Variants in CAPN5 observed in about 807,000 individuals in gnomAD.
CAPN5 encodes the protein calpain 5, also known as calpain-5.
Under a neutral mutation model 73.0 loss-of-function variants are expected in CAPN5, and 54 were observed. The observed-to-expected ratio is 0.74, with a 90% CI of 0.59 to 0.93. The LOEUF (loss-of-function observed/expected upper bound fraction) is 0.93. Among genes scored for constraint, CAPN5 ranks in the 40% least tolerant of loss-of-function variants. The probability of loss-of-function intolerance (pLI) is 0.00; values close to 1 mark genes in which losing one functional copy is unlikely to be tolerated. For synonymous variants in CAPN5, 335 were observed against 356.9 expected, an observed-to-expected ratio of 0.94 and a Z score of 0.69; for missense variants, 785 against 882.9, an observed-to-expected ratio of 0.89 and a Z score of 1.41.
rs138647957 is a variant in CAPN5, at chr11:77,116,106, C to T, written c.894-120C>T. 2,188 of 871,876 alleles carry T rather than the reference C, an allele frequency of 2.5e-3. 20 individuals carry two copies. Among genetic ancestry groups the T allele is most frequent in the South Asian group, 0.016 (1,019 of 62,900 alleles). The allele number at this position is 871,876 out of a possible 1,614,324, so 54.0% of individuals were successfully genotyped here. Reference sequence around the variant, plus strand: ...ATGGCCTCAGTGCCCCTGGCCACACCGTGCCGCTGGAGGCCTGGTGCAAGA... The same window carrying T: ...ATGGCCTCAGTGCCCCTGGCCACACTGTGCCGCTGGAGGCCTGGTGCAAGA... On this transcript the variant is annotated intron_variant, in intron 6 of 12. Transcript: ENST00000648180.
intron 10 of CAPN5, among the ~76,000 whole-genome samples, chr11:77,121,296 G>A (rs1950518229): frequency 6.6e-6 from 1 of 152,266 alleles, no homozygotes; most frequent in Non-Finnish European, 1.5e-5. Flanking sequence ...CCTGGTTCCA[G>A]GGTTGGGTCT....
At chr11:77,114,129 G>A in intron 4 of CAPN5, 113 bp from the exon 5 acceptor site, 1 of 934,196 alleles carries the variant, frequency 1.1e-6, no homozygotes, top group Non-Finnish European at 1.7e-6. Context: ...CCTGCTGCGT[G>A]ACTGTAACAG....
At position 77,093,592 on chromosome 11, in the gene CAPN5, CTGTCACG is replaced by C. The variant is rs534289838; in HGVS notation, c.166-88_166-82del. 5.3e-4 allele frequency: 404 copies of C among 762,282 alleles called. 8 individuals carry two copies. In the South Asian group the frequency reaches 9.1e-3, roughly 17 times the overall value. 47.2% of individuals were successfully genotyped at this position (762,282 alleles called of 1,614,324 possible). A position where few individuals can be genotyped will look rare whatever the true frequency, so the allele number is the denominator to read the frequency against. On this transcript the variant is annotated intron_variant, in intron 2 of 12. Transcript: ENST00000648180. ...TGATGATCACACAGCAAGTCTGTGT[CTGTCACG>C]TCTGTGTCTGTCATGTCTCCTGCCA...
At chr11:77,098,934 G>A (rs1301941519) in intron 3 of CAPN5, among the ~76,000 whole-genome samples, 1 of 90,542 alleles carries the variant, frequency 1.1e-5, no homozygotes. Context: ...CTTCTCAGAC[G>A]GGGCGGCTGC....
intron 2 of CAPN5, 56 bp downstream of exon 2, chr11:77,085,107 G>A: frequency 6.6e-7 from 1 of 1,516,938 alleles, no homozygotes; most frequent in African/African-American, 1.4e-5. Context: ...CACCCACAAG[G>A]CTGGGCCTGC....
intron 1 of CAPN5, among the ~76,000 whole-genome samples, chr11:77,083,447 G>A (rs1950048135): frequency 1.3e-5 from 2 of 152,234 alleles, no homozygotes; most frequent in African/African-American, 4.8e-5. Flanking sequence ...CCAAGGCGGT[G>A]GCACTAAAGT....
At position 77,095,190 on chromosome 11, in the gene CAPN5, C is replaced by T. The variant is rs149727624; in HGVS notation, c.297+1377C>T. Among the ~76,000 whole-genome samples the T allele has an allele frequency of 1.4e-4, 21 of 152,352 alleles. 1 individual carries two copies. In the East Asian group the frequency reaches 4.1e-3, roughly 29 times the overall value. Reference sequence around the variant, plus strand: ...GGCTTTCGAGAGCCACCCGTTGGCTCATTTCAATTCTACGCCTCAAGGCCC... The same window carrying T: ...GGCTTTCGAGAGCCACCCGTTGGCTTATTTCAATTCTACGCCTCAAGGCCC... On this transcript the variant is annotated intron_variant, in intron 3 of 12. Coordinates refer to ENST00000648180, the MANE Select transcript of CAPN5 (RefSeq NM_004055.5).
At chr11:77,114,140 G>A in intron 4 of CAPN5, 102 bp from the exon 5 acceptor site, 1 of 1,058,040 alleles carries the variant, frequency 9.5e-7, no homozygotes, top group Non-Finnish European at 1.4e-6. Context: ...ACTGTAACAG[G>A]TTGTTTGACC....
At chr11:77,070,168 G>T (rs543436272) in intron 1 of CAPN5, among the ~76,000 whole-genome samples, 2 of 152,316 alleles carry the variant, frequency 1.3e-5, no homozygotes, top group East Asian at 1.9e-4. Flanking sequence ...CCAGGGATAG[G>T]GGTCTGGGTG....
intron 1 of CAPN5, among the ~76,000 whole-genome samples, chr11:77,077,405 T>C (rs1949982680): frequency 6.6e-6 from 1 of 152,184 alleles, no homozygotes; most frequent in Non-Finnish European, 1.5e-5. Flanking sequence ...ACATATCTTT[T>C]GTCTTTTTTT....
At position 77,116,165 on chromosome 11, in the gene CAPN5, G is replaced by A; in HGVS notation, c.894-61G>A. On this transcript the variant is annotated intron_variant, in intron 6 of 12. Transcript: ENST00000648180. Reference sequence around the variant, plus strand: ...CGTGCCTCCTCGCCTTTGCCAGACAGATTCTGGTGGGGCTGCCTCTTAGAC... The same window carrying A: ...CGTGCCTCCTCGCCTTTGCCAGACAAATTCTGGTGGGGCTGCCTCTTAGAC... 4 of 1,500,038 alleles carry A rather than the reference G, an allele frequency of 2.7e-6. No individual in the cohort carries two copies. The South Asian group carries it at 3.6e-5, about 13-fold the overall frequency. 92.9% of individuals were successfully genotyped at this position (1,500,038 alleles called of 1,614,324 possible). A position where few individuals can be genotyped will look rare whatever the true frequency, so the allele number is the denominator to read the frequency against.
intron 1 of CAPN5, among the ~76,000 whole-genome samples, chr11:77,083,326 T>A (rs1950046758): frequency 6.6e-6 from 1 of 151,430 alleles, no homozygotes; most frequent in Non-Finnish European, 1.5e-5. Flanking sequence ...CTCGCCTCTT[T>A]CCTTTCCTGT....
At chr11:77,080,765 C>A (rs1950019449) in intron 1 of CAPN5, among the ~76,000 whole-genome samples, 1 of 152,218 alleles carries the variant, frequency 6.6e-6, no homozygotes, top group Non-Finnish European at 1.5e-5. Flanking sequence ...TCATCTGTCA[C>A]CTTAGAGGCT....
intron 8 of CAPN5, 54 bp downstream of exon 8, chr11:77,118,406 G>T: frequency 6.9e-7 from 1 of 1,449,196 alleles, no homozygotes; most frequent in Non-Finnish European, 9.3e-7. Flanking sequence ...GGGGTGCCTT[G>T]CCACTGTCCT....
intron 12 of CAPN5, 87 bp downstream of exon 12, chr11:77,122,799 C>G (rs782237792): frequency 2.7e-5 from 41 of 1,545,472 alleles, no homozygotes; most frequent in Non-Finnish European, 3.4e-5. Flanking sequence ...GGAAGACCCT[C>G]TGACGAGGAC....
chr11:77,120,822 G>C lies in CAPN5; in HGVS notation c.1400G>C (p.Arg467Pro). 6.2e-7 allele frequency: 1 copy of C among 1,614,140 alleles called. No homozygotes were observed. The highest frequency in any genetic ancestry group is 1.1e-5 in the South Asian group (1 of 91,072). The part of the protein sequence containing the change: ...VFLRTDQPEG[R>P]YVIIPTTFEP... ...CTGCGCACCGACCAGCCCGAGGGCC[G>C]CTATGTCATCATCCCCACAACCTTC... Residue 467 changes from arginine (R) to proline (P), a missense_variant, in exon 10 of 13, where the codon CGC (arginine) becomes CCC (proline). Physicochemically the swap from Arg to Pro is moderately radical, Grantham distance 103. Coordinates refer to ENST00000648180, the MANE Select transcript of CAPN5 (RefSeq NM_004055.5).
chr11:77,097,042 G>C (rs1246532661), intron 3 of CAPN5, among the ~76,000 whole-genome samples: 5 of 152,148 alleles, frequency 3.3e-5, no homozygotes, highest in Admixed American at 1.3e-4. Context: ...CTAACATGGT[G>C]AAACCCCGTC....
At chr11:77,103,152 ATCTTC>A (rs1185194724) in intron 3 of CAPN5, 1 of 1,613,796 alleles carries the variant, frequency 6.2e-7, no homozygotes, top group East Asian at 2.2e-5. Flanking sequence ...CCCCACTGCC[ATCTTC>A]TGGCGCAAGG....
chr11:77,117,729 C>T (rs1442868936), intron 7 of CAPN5, among the ~76,000 whole-genome samples: 1 of 152,230 alleles, frequency 6.6e-6, no homozygotes, highest in Admixed American at 6.5e-5. Flanking sequence ...CATCCACTTA[C>T]TCAGGCCTCT....
Sources: allele counts gnomAD v4.1 joint callset (sites outside exome capture counted in the v4.1 genomes callset), GRCh38; gene constraint gnomAD v4.1.1; transcripts MANE v1.5; gene names NCBI Gene and HGNC (gene_info 2026-07-23, HGNC 2026-07-21).